SPRR2G: variants seen among roughly 807,000 people sequenced by gnomAD.
SPRR2G encodes small proline-rich protein 2G.
Under a neutral mutation model 0.7 loss-of-function variants are expected in SPRR2G, and 1 was observed. The observed-to-expected ratio is 1.49, with a 90% CI of 0.53 to 7.06. The LOEUF is 7.06. Among genes scored for constraint, SPRR2G ranks in the 30% most tolerant of loss-of-function variants. The pLI is 0.14. For synonymous variants in SPRR2G, 38 were observed against 33.9 expected (o/e 1.12, Z -0.42); for missense variants, 96 against 88.5 (o/e 1.09, Z -0.34).
chr1:153,169,183 G>T, the SPRR2G span, among the ~76,000 whole-genome samples: 2 of 152,176 alleles, frequency 1.3e-5, no homozygotes, highest in East Asian at 1.9e-4. Flanking sequence ...TGAAAGACTT[G>T]CTCTCCAATG....
the SPRR2G span, among the ~76,000 whole-genome samples, chr1:153,177,418 G>A: frequency 1.5e-4 from 23 of 152,098 alleles, no homozygotes; most frequent in Non-Finnish European, 3.2e-4. Flanking sequence ...ATAAGAAACC[G>A]CCAAATTGTT....
At chr1:153,184,053 C>G in the SPRR2G span, among the ~76,000 whole-genome samples, 1 of 152,016 alleles carries the variant, frequency 6.6e-6, no homozygotes, top group African/African-American at 2.4e-5. Flanking sequence ...ATTTCTGAGG[C>G]CTCTGTTCTG....
the SPRR2G span, among the ~76,000 whole-genome samples, chr1:153,196,620 C>T: frequency 1.3e-5 from 2 of 152,138 alleles, no homozygotes; most frequent in African/African-American, 4.8e-5. Flanking sequence ...ATATGAAGAC[C>T]TTGTAAAGCT....
At chr1:153,182,154 C>T in the SPRR2G span, among the ~76,000 whole-genome samples, 2 of 152,006 alleles carry the variant, frequency 1.3e-5, no homozygotes, top group African/African-American at 4.8e-5. Flanking sequence ...GTTTGCATTG[C>T]CCTGAGGATT....
At chr1:153,162,013 CTTTTA>C in the SPRR2G span, among the ~76,000 whole-genome samples, 5 of 151,878 alleles carry the variant, frequency 3.3e-5, no homozygotes, top group Non-Finnish European at 5.9e-5. Context: ...TGTTGTTTAA[CTTTTA>C]TTTTAAGTTC....
rs1224870337 is a variant in SPRR2G, at chr1:153,150,006, A to C, written c.105T>G (p.Pro35=). The change falls in exon 2 of 2, where the codon CCT becomes CCG. Residue 35 remains proline (P), a synonymous_variant. Coordinates refer to ENST00000368748, the MANE Select transcript of SPRR2G (RefSeq NM_001014291.4). The part of the protein sequence containing the change: ...EPCPPPKCPE[P]YLPPPCPPEH... Reference sequence around the variant, plus strand: ...CAGGTGGACAAGGAGGAGGCAGGTAAGGCTCAGGGCACTTCGGGGGTGGAC... The same window carrying C: ...CAGGTGGACAAGGAGGAGGCAGGTACGGCTCAGGGCACTTCGGGGGTGGAC... The C allele has an allele frequency of 6.2e-7, 1 of 1,613,780 alleles. No individual in the cohort carries two copies. Among genetic ancestry groups the C allele is most frequent in the African/African-American group, 1.3e-5 (1 of 74,884 alleles).
the SPRR2G span, among the ~76,000 whole-genome samples, chr1:153,193,654 C>T: frequency 6.6e-6 from 1 of 152,220 alleles, no homozygotes; most frequent in South Asian, 2.1e-4. Context: ...ATGAAAGATG[C>T]TAAACACCCA....
At chr1:153,192,434 T>C in the SPRR2G span, among the ~76,000 whole-genome samples, 4 of 152,150 alleles carry the variant, frequency 2.6e-5, no homozygotes, top group Non-Finnish European at 5.9e-5. Context: ...TCATAGTCAA[T>C]TGAAAAATAT....
the SPRR2G span, among the ~76,000 whole-genome samples, chr1:153,169,776 ACTC>A: frequency 4.6e-5 from 7 of 151,868 alleles, no homozygotes; most frequent in Admixed American, 4.6e-4. Flanking sequence ...AATATTCATG[ACTC>A]CTCCTATAGC....
chr1:153,182,033 C>T, the SPRR2G span, among the ~76,000 whole-genome samples: 1 of 151,936 alleles, frequency 6.6e-6, no homozygotes, highest in African/African-American at 2.4e-5. Flanking sequence ...ATTTGCATAC[C>T]CACCAATGGT....
the SPRR2G span, among the ~76,000 whole-genome samples, chr1:153,168,904 A>ATGTGTGTG: frequency 0.3 from 44,840 of 147,976 alleles, 8,257 homozygotes; most frequent in Non-Finnish European, 0.44. Context: ...TCATGAGTGT[A>ATGTGTGTG]TGTGTGTGTG....
At chr1:153,197,020 A>G in the SPRR2G span, among the ~76,000 whole-genome samples, 3 of 152,100 alleles carry the variant, frequency 2.0e-5, no homozygotes, top group East Asian at 1.9e-4. Flanking sequence ...AATGACTCCC[A>G]TTTACCCACA....
the SPRR2G span, among the ~76,000 whole-genome samples, chr1:153,166,106 C>A: frequency 4.6e-5 from 7 of 152,186 alleles, no homozygotes; most frequent in South Asian, 1.0e-3. Flanking sequence ...TCACATGACA[C>A]AATTCCTAGC....
the SPRR2G span, among the ~76,000 whole-genome samples, chr1:153,182,900 A>C: frequency 1.3e-5 from 2 of 152,142 alleles, no homozygotes; most frequent in African/African-American, 2.4e-5. Flanking sequence ...GGTGTATACC[A>C]GTAATGGGAT....
chr1:153,184,112 G>A, the SPRR2G span, among the ~76,000 whole-genome samples: 1 of 152,176 alleles, frequency 6.6e-6, no homozygotes, highest in Non-Finnish European at 1.5e-5. Flanking sequence ...TGCTGTTTTG[G>A]TTACTGTAGC....
At chr1:153,173,750 C>T in the SPRR2G span, among the ~76,000 whole-genome samples, 1 of 152,152 alleles carries the variant, frequency 6.6e-6, no homozygotes, top group Non-Finnish European at 1.5e-5. Context: ...GCTAGAAGTC[C>T]TGAGTCAGTG....
chr1:153,173,268 A>G, the SPRR2G span, among the ~76,000 whole-genome samples: 6,869 of 152,308 alleles, frequency 0.045, 431 homozygotes, highest in Admixed American at 0.15. Context: ...TAACACTTCC[A>G]GAACCCCCAG....
chr1:153,179,502 A>G, the SPRR2G span, among the ~76,000 whole-genome samples: 3 of 152,188 alleles, frequency 2.0e-5, no homozygotes, highest in Admixed American at 2.0e-4. Context: ...TCATTTGTGA[A>G]ATGGTTTCAT....
chr1:153,165,782 G>A, the SPRR2G span, among the ~76,000 whole-genome samples: 9 of 152,134 alleles, frequency 5.9e-5, no homozygotes, highest in South Asian at 2.1e-4. Context: ...GATAAGCAAC[G>A]CCTTATTTCA....
Sources: allele counts gnomAD v4.1 joint callset (sites outside exome capture counted in the v4.1 genomes callset), GRCh38; gene constraint gnomAD v4.1.1; transcripts MANE v1.5; gene names NCBI Gene and HGNC (gene_info 2026-07-23, HGNC 2026-07-21).